MICAL3: variants seen among roughly 807,000 people sequenced by gnomAD.
MICAL3 encodes [F-actin]-monooxygenase MICAL3.
MICAL3 carries 62 observed loss-of-function variants against 207.4 expected under a neutral mutation model. The observed-to-expected ratio is 0.30, with a 90% CI of 0.24 to 0.37. MICAL3 has a LOEUF of 0.37. Ranked by LOEUF, MICAL3 falls within the 10% of genes least tolerant of loss-of-function variation. The pLI, the probability that MICAL3 is intolerant of heterozygous loss-of-function variation, is 1.00. For missense variants in MICAL3, 2,368 were observed against 2,635.6 expected, an observed-to-expected ratio of 0.90 and a Z score of 2.22; for synonymous variants, 1,077 against 1,069.3, an observed-to-expected ratio of 1.01 and a Z score of -0.14.
At position 17,901,909 on chromosome 22, in the gene MICAL3, G is replaced by A. The variant is rs775306629; in HGVS notation, c.660C>T (p.Ile220=). The change falls in exon 5 of 32, where the codon ATC becomes ATT. Residue 220 remains isoleucine (I), a synonymous_variant. Coordinates refer to ENST00000441493, the MANE Select transcript of MICAL3 (RefSeq NM_015241.3). ...PVSEYEFEVI[I]GGDGRRNTLE... is the part of the protein sequence containing the mutation. ...AGGTGTTCCTCCGACCATCCCCACC[G>A]ATGATCACTTCAAATTCATACTCTG... 40 of 1,613,588 alleles carry A rather than the reference G, an allele frequency of 2.5e-5. No homozygotes were observed. The highest frequency in any genetic ancestry group is 8.9e-5 in the East Asian group (4 of 44,890).
chr22:17,892,433 C>T (rs186487853), intron 11 of MICAL3, among the ~76,000 whole-genome samples: 1 of 152,236 alleles, frequency 6.6e-6, no homozygotes, highest in African/African-American at 2.4e-5. Context: ...CCGAGGGCAA[C>T]TGAAGTTTGT....
intron 1 of MICAL3, among the ~76,000 whole-genome samples, chr22:17,931,276 G>T (rs1933250843): frequency 6.6e-6 from 1 of 152,192 alleles, no homozygotes. Context: ...TTTATAAAAT[G>T]TATGTTATAC....
intron 1 of MICAL3, among the ~76,000 whole-genome samples, chr22:17,907,794 CGA>C (rs1158269434): frequency 1.3e-5 from 2 of 152,154 alleles, no homozygotes; most frequent in Admixed American, 6.5e-5. Context: ...GCAGAAAGTT[CGA>C]GAGTGTCAAA....
chr22:17,875,634 G>T, intron 16 of MICAL3: 1 of 696,950 alleles, frequency 1.4e-6, no homozygotes, highest in Non-Finnish European at 2.3e-6. Flanking sequence ...AACATAAGAT[G>T]GTTGTAGAGC....
intron 1 of MICAL3, among the ~76,000 whole-genome samples, chr22:17,997,102 C>T (rs930819482): frequency 2.3e-5 from 3 of 129,586 alleles, no homozygotes; most frequent in Non-Finnish European, 3.1e-5. Context: ...GTCACCCAGG[C>T]TGGAGTGCTG....
At chr22:18,000,821 C>A (rs1475189678) in intron 1 of MICAL3, among the ~76,000 whole-genome samples, 2 of 152,218 alleles carry the variant, frequency 1.3e-5, no homozygotes, top group South Asian at 2.1e-4. Context: ...TCGCAGGAGC[C>A]CACGCTTGGC....
intron 1 of MICAL3, among the ~76,000 whole-genome samples, chr22:17,958,220 C>A (rs1934724860): frequency 6.6e-6 from 1 of 152,178 alleles, no homozygotes; most frequent in African/African-American, 2.4e-5. Context: ...CAGAACTCAA[C>A]AAATCTCCAA....
In MICAL3 at chr22:17,817,642, G is replaced by A. The variant is rs941664360; in HGVS notation, c.5019C>T (p.Leu1673=). The change falls in exon 26 of 32, where the codon CTC becomes CTT. Residue 1673 remains leucine (L), a synonymous_variant. Transcript: ENST00000441493. ...GGCCCCCTGAGTCCGACGGCGGGGA[G>A]AGGACCTCCTCGCTGGTGGCTTCAT... is the stretch of plus-strand genomic sequence containing the variant. ...LKHEATSEEV[L]SPPSDSGGPD... is the part of the protein sequence containing the mutation. 1.9e-6 allele frequency: 3 copies of A among 1,612,804 alleles called. No homozygotes were observed. The highest frequency in any genetic ancestry group is 1.3e-5 in the African/African-American group (1 of 74,934).
chr22:17,881,257 G>A (rs766218358), intron 16 of MICAL3: 6 of 1,611,994 alleles, frequency 3.7e-6, no homozygotes, highest in East Asian at 2.2e-5. Context: ...AGGAGACAGG[G>A]TGATCACTTT....
intron 19 of MICAL3, chr22:17,861,316 G>A: frequency 6.1e-6 from 6 of 985,364 alleles, no homozygotes; most frequent in Non-Finnish European, 7.2e-6. Context: ...TGGGGACAGG[G>A]GTCAGGCAAC....
chr22:17,850,400 GTTTTTTTTTTTTTTT>G (rs565667574), intron 19 of MICAL3, among the ~76,000 whole-genome samples: 4 of 74,386 alleles, frequency 5.4e-5, no homozygotes, highest in East Asian at 4.4e-4. Flanking sequence ...TTTTGAATTA[GTTTTTTTTTTTTTTT>G]TTTTTTTTTT....
intron 22 of MICAL3, among the ~76,000 whole-genome samples, chr22:17,826,200 CT>C (rs1359522709): frequency 1.4e-5 from 2 of 137,944 alleles, no homozygotes; most frequent in African/African-American, 5.3e-5. Flanking sequence ...TTTTATCCGA[CT>C]CTTATCAATA....
At chr22:17,873,041 G>A (rs143497762) in intron 16 of MICAL3, among the ~76,000 whole-genome samples, 18 of 152,334 alleles carry the variant, frequency 1.2e-4, no homozygotes, top group African/African-American at 3.8e-4. Flanking sequence ...AAAACATCGC[G>A]TCAGTGTCCA....
intron 29 of MICAL3, among the ~76,000 whole-genome samples, chr22:17,797,755 G>A (rs2061891694): frequency 6.6e-6 from 1 of 152,366 alleles, no homozygotes; most frequent in East Asian, 1.9e-4. Context: ...ATTTATGCCA[G>A]AAATGTTTAC....
At chr22:17,905,835 C>A (rs949409277) in intron 2 of MICAL3, among the ~76,000 whole-genome samples, 6 of 152,164 alleles carry the variant, frequency 3.9e-5, no homozygotes, top group Admixed American at 6.5e-5. Context: ...CTTGGGCCTA[C>A]CTGCTTCGTG....
chr22:17,893,891 TATA>T lies in MICAL3; in HGVS notation c.1460_1462del (p.Leu487del). 1 of 1,558,034 alleles carries T rather than the reference TATA, an allele frequency of 6.4e-7. No individual in the cohort carries two copies. The highest frequency in any genetic ancestry group is 8.7e-7 in the Non-Finnish European group (1 of 1,149,814). On this transcript the variant is annotated inframe_deletion, in exon 11 of 32. Transcript: ENST00000441493. ...AATATCTTTTGTTTCGCCAGTATCA[TATA>T]AATGGCGCACCTGGCAGAAATTTAC...
rs915743343 is a variant in MICAL3, at chr22:17,788,954, C to T, written c.*1778G>A. 1 of 152,498 alleles carries T rather than the reference C, an allele frequency of 6.6e-6. No individual in the cohort carries two copies. Among genetic ancestry groups the T allele is most frequent in the Non-Finnish European group, 1.5e-5 (1 of 68,244 alleles). 9.4% of individuals were successfully genotyped at this position (152,498 alleles called of 1,614,324 possible). A position where few individuals can be genotyped will look rare whatever the true frequency, so the allele number is the denominator to read the frequency against. ...ACGGAGGCGGCAGGCGGCTGGAGCG[C>T]CCCTGGCAGGCGGGTCTGGTCCGGA... On this transcript the variant is annotated 3_prime_UTR_variant, in exon 32 of 32. Transcript: ENST00000441493.
intron 1 of MICAL3, among the ~76,000 whole-genome samples, chr22:17,925,152 GCA>G (rs1932887530): frequency 6.6e-6 from 1 of 152,112 alleles, no homozygotes; most frequent in Non-Finnish European, 1.5e-5. Context: ...TAGGTGCCGA[GCA>G]CCTGAGAGAG....
At chr22:17,887,501 C>T (rs1930024832) in intron 13 of MICAL3, 66 bp from the exon 14 acceptor site, 9 of 1,013,348 alleles carry the variant, frequency 8.9e-6, no homozygotes, top group South Asian at 4.3e-5. Context: ...CTGACCAAAA[C>T]TACTCTCCCT....
Sources: allele counts gnomAD v4.1 joint callset (sites outside exome capture counted in the v4.1 genomes callset), GRCh38; gene constraint gnomAD v4.1.1; transcripts MANE v1.5; gene names NCBI Gene and HGNC (gene_info 2026-07-23, HGNC 2026-07-21).